The following TGFBR3 variants were observed in gnomAD, a reference collection of about 807,000 sequenced individuals.
TGFBR3 encodes transforming growth factor beta receptor type 3.
A neutral mutation model predicts 87.9 loss-of-function variants in TGFBR3; 46 were observed. The ratio of observed to expected loss-of-function variants is 0.52; its 90% CI spans 0.41 to 0.67. The LOEUF is 0.67. TGFBR3 is among the 30% of genes least tolerant of loss of function. The pLI, the probability that TGFBR3 is intolerant of heterozygous loss-of-function variation, is 0.00. For missense variants in TGFBR3, 866 were observed against 1,041.9 expected, an observed-to-expected ratio of 0.83 and a Z score of 2.32; for synonymous variants, 381 against 391.6, an observed-to-expected ratio of 0.97 and a Z score of 0.32.
At chr1:91,882,664 G>A (rs1045389000) in intron 1 of TGFBR3, among the ~76,000 whole-genome samples, 2 of 152,108 alleles carry the variant, frequency 1.3e-5, no homozygotes, top group African/African-American at 4.8e-5. Context: ...AGAATGGCGT[G>A]AACCTGGGAG....
At chr1:91,698,066 G>A (rs376115529) in intron 15 of TGFBR3, 23 bp downstream of exon 15, 32 of 1,612,392 alleles carry the variant, frequency 2.0e-5, no homozygotes, top group Middle Eastern at 1.6e-4. Flanking sequence ...GTTTTATTTC[G>A]AAATAGTTGC....
chr1:91,712,596 T>G, intron 12 of TGFBR3, 54 bp from the exon 13 acceptor site: 12 of 1,579,046 alleles, frequency 7.6e-6, no homozygotes, highest in Non-Finnish European at 1.0e-5. Context: ...TCACTTTCAC[T>G]TTAGGCACAA....
intron 15 of TGFBR3, among the ~76,000 whole-genome samples, chr1:91,696,629 A>C (rs545955196): frequency 6.6e-6 from 1 of 152,318 alleles, no homozygotes; most frequent in South Asian, 2.1e-4. Flanking sequence ...CACTTATAAA[A>C]AGTTAAAATT....
intron 2 of TGFBR3, among the ~76,000 whole-genome samples, chr1:91,815,301 A>AAAAATAAAAT (rs71586714): frequency 0.026 from 3,669 of 141,154 alleles, 55 homozygotes; most frequent in Middle Eastern, 0.043. Context: ...GACTCCATCT[A>AAAAATAAAAT]AAAATAAAAT....
chr1:91,858,817 A>G (rs1484243906), intron 2 of TGFBR3, among the ~76,000 whole-genome samples: 2 of 151,956 alleles, frequency 1.3e-5, no homozygotes, highest in African/African-American at 4.8e-5. Flanking sequence ...GCGTTTTCAG[A>G]GGCTGAAGGG....
intron 3 of TGFBR3, among the ~76,000 whole-genome samples, chr1:91,796,704 T>C (rs923611778): frequency 6.6e-6 from 1 of 152,180 alleles, no homozygotes; most frequent in East Asian, 1.9e-4. Flanking sequence ...CTCACAATCA[T>C]GTTTAAAAGA....
intron 15 of TGFBR3, among the ~76,000 whole-genome samples, 162 bp from the exon 16 acceptor site, chr1:91,695,941 C>A (rs989078464): frequency 6.6e-6 from 1 of 152,188 alleles, no homozygotes; most frequent in African/African-American, 2.4e-5. Flanking sequence ...TTGTAACTTG[C>A]AAATTTTTTT....
intron 14 of TGFBR3, 129 bp downstream of exon 14, chr1:91,708,534 G>T: frequency 6.9e-7 from 1 of 1,450,310 alleles, no homozygotes; most frequent in Non-Finnish European, 9.6e-7. Flanking sequence ...GCAAAAAATG[G>T]TCTTCTAAAG....
Position 91,682,318 on chromosome 1 carries a change from G to T in TGFBR3, c.*1421C>A, listed in dbSNP as rs1187915640. On this transcript the variant is annotated 3_prime_UTR_variant, in exon 17 of 17. Transcript: ENST00000212355. ...CTACTTATGGAATTCTAAGTTGTTT[G>T]GGGGAAATTCTGGAAAAAGAATAAT... 1 of 453,534 alleles carries T rather than the reference G, an allele frequency of 2.2e-6. No homozygotes were observed. The highest frequency in any genetic ancestry group is 2.0e-5 in the African/African-American group (1 of 49,928). 28.1% of individuals were successfully genotyped at this position (453,534 alleles called of 1,614,324 possible).
At chr1:91,762,157 A>T (rs939807885) in intron 3 of TGFBR3, among the ~76,000 whole-genome samples, 2 of 152,218 alleles carry the variant, frequency 1.3e-5, no homozygotes, top group African/African-American at 4.8e-5. Context: ...AGCAGCAATG[A>T]CCAGTCTCGA....
intron 16 of TGFBR3, among the ~76,000 whole-genome samples, chr1:91,689,401 C>T (rs567770396): frequency 3.3e-5 from 5 of 152,244 alleles, no homozygotes; most frequent in Admixed American, 6.5e-5. Flanking sequence ...GGGAACTCCA[C>T]GACAGCAAGG....
intron 2 of TGFBR3, among the ~76,000 whole-genome samples, chr1:91,846,865 G>T (rs1409655773): frequency 3.9e-5 from 6 of 152,050 alleles, no homozygotes; most frequent in African/African-American, 1.2e-4. Context: ...CAGAATTCCA[G>T]ACTGCTCCAC....
At chr1:91,702,273 C>G (rs1671646706) in intron 14 of TGFBR3, among the ~76,000 whole-genome samples, 1 of 152,096 alleles carries the variant, frequency 6.6e-6, no homozygotes, top group South Asian at 2.1e-4. Flanking sequence ...AATAAATAAC[C>G]ACAAATATCA....
chr1:91,720,289 C>A (rs1672320364), intron 8 of TGFBR3, 59 bp from the exon 9 acceptor site: 6 of 1,467,998 alleles, frequency 4.1e-6, no homozygotes, highest in Non-Finnish European at 5.6e-6. Context: ...CAACCAACAT[C>A]ATTACAGGCA....
intron 16 of TGFBR3, among the ~76,000 whole-genome samples, chr1:91,692,061 ATAAT>A (rs1245991334): frequency 1.3e-5 from 2 of 152,182 alleles, no homozygotes; most frequent in Non-Finnish European, 2.9e-5. Flanking sequence ...GGGAAAGATA[ATAAT>A]TAATTCTAGG....
At chr1:91,786,786 T>C (rs1571509495) in intron 3 of TGFBR3, among the ~76,000 whole-genome samples, 1 of 151,280 alleles carries the variant, frequency 6.6e-6, no homozygotes, top group Non-Finnish European at 1.5e-5. Flanking sequence ...GATGAGTAAA[T>C]ACAAGATGGT....
chr1:91,682,322 G>T lies in TGFBR3; in HGVS notation c.*1417C>A. ...TTATGGAATTCTAAGTTGTTTGGGG[G>T]AAATTCTGGAAAAAGAATAATTTGC... On this transcript the variant is annotated 3_prime_UTR_variant, in exon 17 of 17. Coordinates refer to ENST00000212355, the MANE Select transcript of TGFBR3 (RefSeq NM_003243.5). The T allele has an allele frequency of 4.4e-6, 2 of 453,402 alleles. No homozygotes were observed. Among genetic ancestry groups the T allele is most frequent in the South Asian group, 3.1e-5 (2 of 64,432 alleles). The allele number at this position is 453,402 out of a possible 1,614,324, so 28.1% of individuals were successfully genotyped here. A position where few individuals can be genotyped will look rare whatever the true frequency, so the allele number is the denominator to read the frequency against.
chr1:91,688,269 C>A (rs1294367816), intron 16 of TGFBR3, among the ~76,000 whole-genome samples: 2 of 152,144 alleles, frequency 1.3e-5, no homozygotes, highest in African/African-American at 4.8e-5. Flanking sequence ...TCTGTGGTAT[C>A]TTCCCTGCCT....
At chr1:91,780,841 A>T (rs572654838) in intron 3 of TGFBR3, among the ~76,000 whole-genome samples, 20 of 151,036 alleles carry the variant, frequency 1.3e-4, no homozygotes, top group Admixed American at 2.0e-4. Context: ...TACAGGTGTG[A>T]GCCACTGCAC....
Sources: allele counts gnomAD v4.1 joint callset (sites outside exome capture counted in the v4.1 genomes callset), GRCh38; gene constraint gnomAD v4.1.1; transcripts MANE v1.5; gene names NCBI Gene and HGNC (gene_info 2026-07-23, HGNC 2026-07-21).